GALNTL6: variants seen among roughly 807,000 people sequenced by gnomAD.
GALNTL6 encodes polypeptide N-acetylgalactosaminyltransferase like 6.
GALNTL6 carries 46 observed loss-of-function variants against 73.7 expected under a neutral mutation model. That is an observed-to-expected ratio of 0.62 (90% CI 0.49 to 0.80). The LOEUF is 0.80. GALNTL6 is among the 30% of genes least tolerant of loss of function. The pLI is 0.00. For synonymous variants in GALNTL6, 259 were observed against 263.7 expected, an observed-to-expected ratio of 0.98 and a Z score of 0.17; for missense variants, 604 against 755.0, an observed-to-expected ratio of 0.80 and a Z score of 2.34.
intron 7 of GALNTL6, among the ~76,000 whole-genome samples, chr4:172,820,079 TG>T (rs1162770001): frequency 6.6e-6 from 1 of 152,200 alleles, no homozygotes; most frequent in South Asian, 2.1e-4. Flanking sequence ...GATAGACTTG[TG>T]CCTGCACAAG....
At chr4:172,644,132 G>A (rs1740116500) in intron 5 of GALNTL6, among the ~76,000 whole-genome samples, 1 of 151,670 alleles carries the variant, frequency 6.6e-6, no homozygotes, top group South Asian at 2.1e-4. Context: ...GCATTTGTGT[G>A]GTTTTGAAAT....
rs181066606 is a variant in GALNTL6, at chr4:172,510,352, T to C, written c.553+161663T>C. 4.9e-4 allele frequency among the ~76,000 whole-genome samples: 27 copies of C among 55,022 alleles called. 11 individuals carry two copies. In the East Asian group the frequency reaches 0.079, roughly 161 times the overall value. The allele number at this position is 55,022 out of a possible 152,430, so 36.1% of individuals were successfully genotyped here. On this transcript the variant is annotated intron_variant, in intron 5 of 12. Coordinates refer to ENST00000506823, the MANE Select transcript of GALNTL6 (RefSeq NM_001034845.3). ...ACTAGGAGCTTTGTGGATGAGTCTTTAGAGTTTTCTAGGTATACGATCTTC... is the reference window on the plus strand; with the variant it reads ...ACTAGGAGCTTTGTGGATGAGTCTTCAGAGTTTTCTAGGTATACGATCTTC...
intron 2 of GALNTL6, among the ~76,000 whole-genome samples, chr4:172,053,828 C>T (rs890755923): frequency 3.3e-5 from 5 of 151,764 alleles, no homozygotes; most frequent in African/African-American, 4.8e-5. Flanking sequence ...GGTCCCCTAG[C>T]GAAGGAGGCA....
At chr4:172,013,864 GC>G (rs1741099096) in intron 2 of GALNTL6, among the ~76,000 whole-genome samples, 2 of 129,838 alleles carry the variant, frequency 1.5e-5, no homozygotes, top group South Asian at 4.8e-4. Flanking sequence ...CAGCTCCTGA[GC>G]CCCCCACTAC....
intron 2 of GALNTL6, among the ~76,000 whole-genome samples, chr4:171,861,676 T>C (rs1310230094): frequency 6.6e-6 from 1 of 152,190 alleles, no homozygotes; most frequent in Admixed American, 6.5e-5. Context: ...TATATTATTA[T>C]TTATATCATC....
chr4:172,973,172 A>T (rs543594021), intron 10 of GALNTL6, among the ~76,000 whole-genome samples: 2 of 152,258 alleles, frequency 1.3e-5, no homozygotes, highest in Non-Finnish European at 2.9e-5. Context: ...AAAACCTTAG[A>T]TGAAGTATTG....
chr4:172,705,209 T>C (rs1734260780), intron 5 of GALNTL6, among the ~76,000 whole-genome samples: 1 of 104,826 alleles, frequency 9.5e-6, no homozygotes. Context: ...GACTTACTAC[T>C]GCTATTTTTT....
intron 3 of GALNTL6, among the ~76,000 whole-genome samples, chr4:172,232,733 T>C (rs1305882616): frequency 6.6e-6 from 1 of 152,190 alleles, no homozygotes; most frequent in African/African-American, 2.4e-5. Context: ...AGTCTCTCAC[T>C]GTCACTTAGA....
At chr4:172,706,852 T>C (rs1201765057) in intron 5 of GALNTL6, among the ~76,000 whole-genome samples, 1 of 152,186 alleles carries the variant, frequency 6.6e-6, no homozygotes, top group Non-Finnish European at 1.5e-5. Flanking sequence ...ACTTGCTGTC[T>C]CCTTTGGCTG....
At chr4:172,750,689 C>G (rs1737373733) in intron 5 of GALNTL6, among the ~76,000 whole-genome samples, 1 of 152,182 alleles carries the variant, frequency 6.6e-6, no homozygotes, top group African/African-American at 2.4e-5. Flanking sequence ...CATTGAGAAT[C>G]ATAATAGACA....
intron 5 of GALNTL6, among the ~76,000 whole-genome samples, chr4:172,391,299 G>A (rs189659437): frequency 4.6e-5 from 7 of 152,278 alleles, no homozygotes; most frequent in Admixed American, 2.6e-4. Context: ...AAGAAGAAGA[G>A]CAAGAGGGAT....
At chr4:172,269,629 T>G (rs1435528168) in intron 3 of GALNTL6, among the ~76,000 whole-genome samples, 2 of 152,230 alleles carry the variant, frequency 1.3e-5, no homozygotes, top group Admixed American at 1.3e-4. Context: ...TCTTTTCCAT[T>G]ATAGAGGAAG....
intron 5 of GALNTL6, among the ~76,000 whole-genome samples, chr4:172,614,301 T>G (rs1462384627): frequency 6.6e-6 from 1 of 152,164 alleles, no homozygotes; most frequent in Non-Finnish European, 1.5e-5. Flanking sequence ...ACTAATTATT[T>G]TTTGATTTCT....
At chr4:172,274,596 G>A (rs1270149691) in intron 3 of GALNTL6, among the ~76,000 whole-genome samples, 1 of 152,106 alleles carries the variant, frequency 6.6e-6, no homozygotes, top group Non-Finnish European at 1.5e-5. Flanking sequence ...AAGCCCTCAT[G>A]GAGAATAAAA....
chr4:172,529,516 A>AT (rs964748823), intron 5 of GALNTL6, among the ~76,000 whole-genome samples: 9 of 152,114 alleles, frequency 5.9e-5, no homozygotes, highest in South Asian at 4.1e-4. Flanking sequence ...TTTTGATAGC[A>AT]TTTTTTTCCT....
chr4:173,027,316 A>G (rs898103525), intron 12 of GALNTL6, among the ~76,000 whole-genome samples: 14 of 152,192 alleles, frequency 9.2e-5, no homozygotes, highest in Non-Finnish European at 1.9e-4. Flanking sequence ...ATAATGTAAG[A>G]TAAGGGTTGA....
intron 2 of GALNTL6, among the ~76,000 whole-genome samples, chr4:172,121,433 G>T (rs1341859950): frequency 3.3e-5 from 5 of 152,080 alleles, no homozygotes; most frequent in Non-Finnish European, 7.4e-5. Context: ...TAACACAAGT[G>T]ACTCCATTTT....
At chr4:172,000,664 G>A (rs979811194) in intron 2 of GALNTL6, among the ~76,000 whole-genome samples, 1 of 152,096 alleles carries the variant, frequency 6.6e-6, no homozygotes, top group Non-Finnish European at 1.5e-5. Context: ...TGTAAGTTAG[G>A]CTATGTTATG....
intron 5 of GALNTL6, among the ~76,000 whole-genome samples, chr4:172,532,595 T>C (rs1435404769): frequency 2.6e-5 from 4 of 152,220 alleles, no homozygotes; most frequent in Non-Finnish European, 4.4e-5. Flanking sequence ...ATCATGTATT[T>C]TTGGTTTAGA....
Sources: allele counts gnomAD v4.1 joint callset (sites outside exome capture counted in the v4.1 genomes callset), GRCh38; gene constraint gnomAD v4.1.1; transcripts MANE v1.5; gene names NCBI Gene and HGNC (gene_info 2026-07-23, HGNC 2026-07-21).